Variants in CLEC2D observed in about 807,000 individuals in gnomAD.
CLEC2D encodes C-type lectin domain family 2 member D, also known as C-type lectin related f.
In CLEC2D, 16 loss-of-function variants were observed where a neutral mutation model predicts 20.0. The ratio of observed to expected loss-of-function variants is 0.80; its 90% confidence interval spans 0.54 to 1.22. CLEC2D has a LOEUF of 1.22. Ranked by LOEUF, CLEC2D falls within the 50% of genes most tolerant of loss-of-function variation. The pLI is 0.00. For synonymous variants in CLEC2D, 77 were observed against 71.1 expected (o/e 1.08, Z -0.42); for missense variants, 207 against 221.5 (o/e 0.93, Z 0.42).
chr12:9,681,163 T>A (rs905609828), intron 2 of CLEC2D, 130 bp downstream of exon 2: 8 of 554,552 alleles, frequency 1.4e-5, no homozygotes, highest in Non-Finnish European at 2.5e-5. Context: ...TACACTCCAA[T>A]AACTTTTTAA....
At chr12:9,674,815 G>A (rs981940896) in intron 1 of CLEC2D, among the ~76,000 whole-genome samples, 4 of 152,102 alleles carry the variant, frequency 2.6e-5, no homozygotes, top group African/African-American at 7.2e-5. Flanking sequence ...TAGTTTTAAT[G>A]AAGTCCAGTT....
intron 2 of CLEC2D, among the ~76,000 whole-genome samples, chr12:9,685,087 T>C (rs909352458): frequency 2.5e-4 from 38 of 152,314 alleles, no homozygotes; most frequent in African/African-American, 7.2e-4. Flanking sequence ...AGGAATCTGA[T>C]TTCTTCCTGG....
Position 9,695,558 on chromosome 12 carries a change from T to A in CLEC2D, c.*684T>A, listed in dbSNP as rs1470327570. On this transcript the variant is annotated 3_prime_UTR_variant, in exon 5 of 5. Transcript: ENST00000290855. ...GCTGGTGCAAAGGATGAACTGCACA[T>A]TGTTGAAGCAGAGGCCATGAATGAC... The A allele has an allele frequency of 3.7e-6, 5 of 1,361,564 alleles. No homozygotes were observed. In the African/African-American group the frequency reaches 7.2e-5, roughly 20 times the overall value. The allele number at this position is 1,361,564 out of a possible 1,614,324, so 84.3% of individuals were successfully genotyped here.
intron 1 of CLEC2D, among the ~76,000 whole-genome samples, chr12:9,671,867 A>G (rs1460284461): frequency 6.6e-6 from 1 of 152,090 alleles, no homozygotes; most frequent in Non-Finnish European, 1.5e-5. Context: ...TGCTGCTAGT[A>G]TATCCTTTTT....
intron 2 of CLEC2D, among the ~76,000 whole-genome samples, chr12:9,683,335 G>GTTTTTTTTTTTTTT (rs1357039664): frequency 8.9e-5 from 1 of 11,284 alleles, no homozygotes; most frequent in African/African-American, 1.5e-4. Context: ...TTTTGTGTTT[G>GTTTTTTTTTTTTTT]TTTTTTTTTT....
intron 3 of CLEC2D, among the ~76,000 whole-genome samples, chr12:9,691,577 A>T (rs1865864336): frequency 1.3e-5 from 2 of 152,220 alleles, no homozygotes; most frequent in African/African-American, 4.8e-5. Flanking sequence ...TTACAATGGA[A>T]TGAAGCTAGA....
At position 9,680,933 on chromosome 12, in the gene CLEC2D, T is replaced by A; in HGVS notation, c.72T>A (p.His24Gln). Reference sequence around the variant, plus strand: ...AATAATTTTTTCCAGGTTGTCTGCATTCAAAAGAGCATTCTATTAAAGCTA... The same window carrying A: ...AATAATTTTTTCCAGGTTGTCTGCAATCAAAAGAGCATTCTATTAAAGCTA... ...SELPANPGCL[H>Q]SKEHSIKATL... The change falls in exon 2 of 5, where the codon CAT becomes CAA. Residue 24 changes from histidine to glutamine, a missense_variant. Physicochemically the swap from His to Gln is conservative, Grantham distance 24 (BLOSUM62 0). Coordinates refer to ENST00000290855, the MANE Select transcript of CLEC2D (RefSeq NM_013269.6). 1 of 1,563,694 alleles carries A rather than the reference T, an allele frequency of 6.4e-7. No homozygotes were observed. The highest frequency in any genetic ancestry group is 8.8e-7 in the Non-Finnish European group (1 of 1,136,042).
chr12:9,673,702 C>A (rs376560475), intron 1 of CLEC2D, among the ~76,000 whole-genome samples: 75 of 152,354 alleles, frequency 4.9e-4, no homozygotes, highest in African/African-American at 1.7e-3. Flanking sequence ...TTCTCTGACT[C>A]AGCGAGATGA....
Position 9,697,016 on chromosome 12 carries a change from A to G in CLEC2D, c.*2142A>G, listed in dbSNP as rs1866010372. ...AGAAATTGTCATATATATAAAACAC[A>G]CACATTATATACATACATACATATA... On this transcript the variant is annotated 3_prime_UTR_variant, in exon 5 of 5. Transcript: ENST00000290855. The G allele has an allele frequency of 7.5e-6, 1 of 133,212 alleles. No homozygotes were observed. The highest frequency in any genetic ancestry group is 1.6e-5 in the Non-Finnish European group (1 of 63,944). 8.3% of individuals were successfully genotyped at this position (133,212 alleles called of 1,614,324 possible).
chr12:9,690,948 C>T (rs1030737527), intron 3 of CLEC2D, among the ~76,000 whole-genome samples: 5 of 151,942 alleles, frequency 3.3e-5, no homozygotes, highest in African/African-American at 1.2e-4. Flanking sequence ...TATTAAAGGG[C>T]TGAGACTGAC....
rs902398589 is a variant in CLEC2D at position 9,697,416 on chromosome 12, A to G, written c.*2542A>G. ...ATAAGGGATACTTTTAGTTAATTTA[A>G]TATCTATAGAAACAATGCTAATGAC... On this transcript the variant is annotated 3_prime_UTR_variant, in exon 5 of 5. Transcript: ENST00000290855. 1 of 152,200 alleles carries G rather than the reference A, an allele frequency of 6.6e-6. No individual in the cohort carries two copies. Among genetic ancestry groups the G allele is most frequent in the Non-Finnish European group, 1.5e-5 (1 of 68,040 alleles). The allele number at this position is 152,200 out of a possible 1,614,324, so 9.4% of individuals were successfully genotyped here. A position where few individuals can be genotyped will look rare whatever the true frequency, so the allele number is the denominator to read the frequency against.
At position 9,695,590 on chromosome 12, in the gene CLEC2D, A is replaced by C. The variant is rs1252035460; in HGVS notation, c.*716A>C. On this transcript the variant is annotated 3_prime_UTR_variant, in exon 5 of 5. Transcript: ENST00000290855. ...AGCAGAGGCCATGAATGACGAAGGCAGTCCAATTAAAGTAACACTGGCAAC... is the reference window on the plus strand; with the variant it reads ...AGCAGAGGCCATGAATGACGAAGGCCGTCCAATTAAAGTAACACTGGCAAC... The C allele has an allele frequency of 5.9e-6, 9 of 1,533,806 alleles. No homozygotes were observed. The highest frequency in any genetic ancestry group is 4.2e-4 in the Middle Eastern group (2 of 4,780).
chr12:9,679,042 A>G (rs1173969766), intron 1 of CLEC2D, among the ~76,000 whole-genome samples: 8 of 152,208 alleles, frequency 5.3e-5, no homozygotes, highest in Non-Finnish European at 7.4e-5. Flanking sequence ...TGAGTACCTT[A>G]TAATAAAAAA....
In CLEC2D at chr12:9,695,806, C is replaced by T. The variant is rs1865972486; in HGVS notation, c.*932C>T. On this transcript the variant is annotated 3_prime_UTR_variant, in exon 5 of 5. Coordinates refer to ENST00000290855, the MANE Select transcript of CLEC2D (RefSeq NM_013269.6). ...GAAACTCTTAAGTATATCTGGAAAGCAGTCTGCCCCTGGAGGTGGGCAGAA... is the reference window on the plus strand; with the variant it reads ...GAAACTCTTAAGTATATCTGGAAAGTAGTCTGCCCCTGGAGGTGGGCAGAA... The T allele has an allele frequency of 1.1e-5, 14 of 1,261,870 alleles. No individual in the cohort carries two copies. The highest frequency in any genetic ancestry group is 2.6e-4 in the Middle Eastern group (1 of 3,792). 78.2% of individuals were successfully genotyped at this position (1,261,870 alleles called of 1,614,324 possible).
At chr12:9,688,322 C>T (rs944558681) in intron 3 of CLEC2D, among the ~76,000 whole-genome samples, 3 of 151,540 alleles carry the variant, frequency 2.0e-5, no homozygotes, top group African/African-American at 7.3e-5. Flanking sequence ...AAGCCAGAGC[C>T]TTCTTTGACT....
rs770245653 is a variant in CLEC2D, at chr12:9,688,986, G to T, written c.357+900G>T. On this transcript the variant is annotated intron_variant, in intron 3 of 4. Coordinates refer to ENST00000290855, the MANE Select transcript of CLEC2D (RefSeq NM_013269.6). ...TAACTATTTTCCATACCCCATTATT[G>T]CAGGGATCCATGGGAACTGCTGCCC... is the stretch of plus-strand genomic sequence containing the variant. Among the ~76,000 whole-genome samples the T allele has an allele frequency of 1.2e-4, 19 of 152,274 alleles. No individual in the cohort carries two copies. The South Asian group carries it at 3.7e-3, about 30-fold the overall frequency.
chr12:9,695,763 T>C lies in CLEC2D; in HGVS notation c.*889T>C. The C allele has an allele frequency of 1.4e-6, 2 of 1,390,548 alleles. No homozygotes were observed. Among genetic ancestry groups the C allele is most frequent in the Non-Finnish European group, 2.0e-6 (2 of 988,842 alleles). 86.1% of individuals were successfully genotyped at this position (1,390,548 alleles called of 1,614,324 possible). On this transcript the variant is annotated 3_prime_UTR_variant, in exon 5 of 5. Coordinates refer to ENST00000290855, the MANE Select transcript of CLEC2D (RefSeq NM_013269.6). ...TGAAGGAAGGTGCAGAGTCAGAAGA[T>C]GAAGAAGAGGAGGATGTGAAACTCT... is the stretch of plus-strand genomic sequence containing the variant.
At chr12:9,669,856 A>G (rs1865372846) in intron 1 of CLEC2D, 61 bp downstream of exon 1, 3 of 1,317,322 alleles carry the variant, frequency 2.3e-6, no homozygotes, top group Non-Finnish European at 2.2e-6. Context: ...AGTGGTAGTG[A>G]TGGGCTCACA....
rs757343965 is a variant in CLEC2D at position 9,688,161 on chromosome 12, G to A, written c.357+75G>A. ...TGTTTTCCTGTGAAATTATCTAAGAGGTAGGTTTAGACATCTGCTTTTACA... is the reference window on the plus strand; with the variant it reads ...TGTTTTCCTGTGAAATTATCTAAGAAGTAGGTTTAGACATCTGCTTTTACA... On this transcript the variant is annotated intron_variant, in intron 3 of 4. Transcript: ENST00000290855. The A allele has an allele frequency of 9.6e-6, 13 of 1,357,984 alleles. No homozygotes were observed. The South Asian group carries it at 2.3e-4, about 24-fold the overall frequency. The allele number at this position is 1,357,984 out of a possible 1,614,324, so 84.1% of individuals were successfully genotyped here. A position where few individuals can be genotyped will look rare whatever the true frequency, so the allele number is the denominator to read the frequency against.
Sources: allele counts gnomAD v4.1 joint callset (sites outside exome capture counted in the v4.1 genomes callset), GRCh38; gene constraint gnomAD v4.1.1; transcripts MANE v1.5; gene names NCBI Gene and HGNC (gene_info 2026-07-23, HGNC 2026-07-21).